The following PI4KA variants were observed in gnomAD, a reference collection of about 807,000 sequenced individuals.
PI4KA encodes phosphatidylinositol 4-kinase alpha, also known as PI4-kinase alpha.
A neutral mutation model predicts 271.4 loss-of-function variants in PI4KA; 122 were observed. That is an observed-to-expected ratio of 0.45 (90% CI 0.39 to 0.52). The LOEUF (loss-of-function observed/expected upper bound fraction) is 0.52, where lower values mean the gene tolerates loss of function less well. PI4KA is among the 20% of genes least tolerant of loss of function. The pLI is 0.00. For missense variants in PI4KA, 1,969 were observed against 2,769.1 expected (o/e 0.71, Z 6.48); for synonymous variants, 1,041 against 1,078.8 (o/e 0.96, Z 0.69).
chr22:20,746,366 A>T (rs1045808505), intron 29 of PI4KA, among the ~76,000 whole-genome samples: 4 of 152,110 alleles, frequency 2.6e-5, no homozygotes, highest in African/African-American at 9.7e-5. Flanking sequence ...CTGGCCCCAG[A>T]ATTAATTTTT....
intron 9 of PI4KA, among the ~76,000 whole-genome samples, chr22:20,808,333 C>T (rs1274090969): frequency 6.6e-6 from 1 of 151,344 alleles, no homozygotes; most frequent in Non-Finnish European, 1.5e-5. Flanking sequence ...CGCCTGTAAT[C>T]CCAGCACTTT....
In PI4KA at chr22:20,785,980, G is replaced by GC. The variant is rs1188918780; in HGVS notation, c.2328+7212dup. On this transcript the variant is annotated intron_variant, in intron 19 of 54. Coordinates refer to ENST00000255882, the MANE Select transcript of PI4KA (RefSeq NM_058004.4). Reference sequence around the variant, plus strand: ...GTAACTTGTGGTTCAATAAAACTGGGCCCCCCTTTCCTTTTCTGTCTAGAA... The same window carrying GC: ...GTAACTTGTGGTTCAATAAAACTGGGCCCCCCCTTTCCTTTTCTGTCTAGAA... 3.7e-6 allele frequency: 6 copies of GC among 1,614,076 alleles called. No homozygotes were observed. In the South Asian group the frequency reaches 5.5e-5, roughly 15 times the overall value.
intron 43 of PI4KA, among the ~76,000 whole-genome samples, chr22:20,719,045 G>C (rs1926377845): frequency 6.6e-6 from 1 of 152,222 alleles, no homozygotes; most frequent in African/African-American, 2.4e-5. Flanking sequence ...CAGGGGCCAA[G>C]CGCACAAGTG....
intron 4 of PI4KA, among the ~76,000 whole-genome samples, chr22:20,821,956 C>T (rs1414410002): frequency 6.6e-6 from 1 of 152,178 alleles, no homozygotes; most frequent in Non-Finnish European, 1.5e-5. Flanking sequence ...TTCAGACCTG[C>T]CTGGGCAAAG....
At position 20,714,694 on chromosome 22, in the gene PI4KA, T is replaced by C; in HGVS notation, c.5324A>G (p.Tyr1775Cys). The C allele has an allele frequency of 6.2e-7, 1 of 1,613,870 alleles. No individual in the cohort carries two copies. The highest frequency in any genetic ancestry group is 8.5e-7 in the Non-Finnish European group (1 of 1,179,820). Residue 1775 changes from tyrosine (Y) to cysteine (C), a missense_variant, in exon 46 of 55, where the codon TAC becomes TGC. Transcript: ENST00000255882. ...AATGGCCTCAGGGTTGCTGGGCAGG[T>C]AGCAGCCTGTGCAGGGACAGAGGCA... Reference protein sequence around the residue: ...LSEVKVQPGCYLPSNPEAIVL... With the variant: ...LSEVKVQPGCCLPSNPEAIVL...
intron 19 of PI4KA, among the ~76,000 whole-genome samples, chr22:20,791,243 C>G (rs1015966930): frequency 6.6e-5 from 10 of 152,336 alleles, no homozygotes; most frequent in African/African-American, 2.4e-4. Flanking sequence ...GGTCAAAGAT[C>G]CTGGAACTCA....
In PI4KA at chr22:20,742,673, C is replaced by T. The variant is rs373302183; in HGVS notation, c.3548G>A (p.Arg1183His). 56 of 1,613,876 alleles carry T rather than the reference C, an allele frequency of 3.5e-5. No individual in the cohort carries two copies. The highest frequency in any genetic ancestry group is 2.5e-4 in the East Asian group (11 of 44,896). The change falls in exon 31 of 55, where the codon CGC becomes CAC. Residue 1183 changes from arginine (R) to histidine (H), a missense_variant. Arg to His is a conservative substitution (Grantham distance 29). Transcript: ENST00000255882. ...CTGCGTGTAGTGCTGAGGATGACTG[C>T]GGTCTAAAGCTGAATGTAGATCCTG... ...MVQDLHSALD[R>H]SHPQHYTQAM...
At chr22:20,796,061 C>G in intron 18 of PI4KA, 85 bp downstream of exon 18, 1 of 1,308,564 alleles carries the variant, frequency 7.6e-7, no homozygotes, top group Non-Finnish European at 1.1e-6. Flanking sequence ...GTGCCATATT[C>G]CAACCAAGAT....
At chr22:20,762,785 G>A (rs913997741) in intron 22 of PI4KA, among the ~76,000 whole-genome samples, 1 of 152,184 alleles carries the variant, frequency 6.6e-6, no homozygotes, top group Non-Finnish European at 1.5e-5. Context: ...TATAGGGGAT[G>A]ACAGTGAGGT....
At chr22:20,758,364 C>CAA (rs3042105) in intron 23 of PI4KA, among the ~76,000 whole-genome samples, 19 of 43,264 alleles carry the variant, frequency 4.4e-4, no homozygotes, top group East Asian at 2.5e-3. Flanking sequence ...GACTCTGTCT[C>CAA]AAAAAAAAAA....
At chr22:20,723,899 C>A (rs551914241) in intron 42 of PI4KA, among the ~76,000 whole-genome samples, 180 of 151,866 alleles carry the variant, frequency 1.2e-3, no homozygotes, top group Non-Finnish European at 2.2e-3. Context: ...AGAGCAGTGG[C>A]ATGATCTTGG....
chr22:20,806,165 CT>C (rs1935640812), intron 10 of PI4KA, among the ~76,000 whole-genome samples: 1 of 152,126 alleles, frequency 6.6e-6, no homozygotes, highest in African/African-American at 2.4e-5. Flanking sequence ...AAAGTGGTTA[CT>C]AAATTTTGGT....
intron 3 of PI4KA, among the ~76,000 whole-genome samples, chr22:20,825,937 T>C (rs1216337077): frequency 1.3e-5 from 2 of 152,206 alleles, no homozygotes; most frequent in Non-Finnish European, 2.9e-5. Flanking sequence ...TGTGTTCATA[T>C]GTACTCGAAG....
chr22:20,708,144 G>A (rs377578298), intron 54 of PI4KA, 46 bp from the exon 55 acceptor site: 28 of 1,522,004 alleles, frequency 1.8e-5, no homozygotes, highest in Non-Finnish European at 2.5e-5. Context: ...GAGCCAGCAG[G>A]GTCTGGGGTC....
rs372013185 is a variant in PI4KA at position 20,819,878 on chromosome 22, G to A, written c.552C>T (p.Ile184=). ...CTCGCGAGATTCCTATCAGGCATGG[G>A]ATAGCATACTTGCAAAGGTATTCTA... is the stretch of plus-strand genomic sequence containing the variant. ...QDKEYLCKYA[I]PCLIGISRAF... The change falls in exon 6 of 55, where the codon ATC becomes ATT. Residue 184 remains isoleucine, a synonymous_variant. Coordinates refer to ENST00000255882, the MANE Select transcript of PI4KA (RefSeq NM_058004.4). 7 of 1,613,776 alleles carry A rather than the reference G, an allele frequency of 4.3e-6. No homozygotes were observed. In the African/African-American group the frequency reaches 5.3e-5, roughly 12 times the overall value.
intron 19 of PI4KA, among the ~76,000 whole-genome samples, chr22:20,770,485 C>T (rs1026136116): frequency 2.2e-5 from 3 of 137,606 alleles, no homozygotes; most frequent in Non-Finnish European, 3.0e-5. Flanking sequence ...TGCACTCCAG[C>T]CTGGGCAACA....
intron 42 of PI4KA, among the ~76,000 whole-genome samples, chr22:20,722,805 C>T (rs920868606): frequency 7.9e-5 from 12 of 152,162 alleles, no homozygotes; most frequent in African/African-American, 2.9e-4. Context: ...GGTCTTACCA[C>T]ACAGGCAGAA....
At chr22:20,739,181 TA>T (rs1929099450) in intron 32 of PI4KA, among the ~76,000 whole-genome samples, 1 of 144,766 alleles carries the variant, frequency 6.9e-6, no homozygotes. Context: ...CCGTCTCTAC[TA>T]AAAAATACAA....
intron 41 of PI4KA, 125 bp downstream of exon 41, chr22:20,727,105 A>C: frequency 1.3e-6 from 1 of 741,060 alleles, no homozygotes; most frequent in South Asian, 2.0e-5. Context: ...TGAGCAAAAA[A>C]CAGGGAAAGG....
Sources: allele counts gnomAD v4.1 joint callset (sites outside exome capture counted in the v4.1 genomes callset), GRCh38; gene constraint gnomAD v4.1.1; transcripts MANE v1.5; gene names NCBI Gene and HGNC (gene_info 2026-07-23, HGNC 2026-07-21).